The following BCAS3 variants were observed in gnomAD, a reference collection of about 807,000 sequenced individuals.
BCAS3 encodes the protein BCAS3 microtubule associated cell migration factor, also known as BCAS4/BCAS3 fusion.
BCAS3 carries 53 observed loss-of-function variants against 116.1 expected under a neutral mutation model. That is an observed-to-expected ratio of 0.46 (90% confidence interval 0.37 to 0.57). BCAS3 has a LOEUF of 0.57. Ranked by LOEUF, BCAS3 falls within the 20% of genes least tolerant of loss-of-function variation. BCAS3 has a pLI of 0.00. For missense variants in BCAS3, 917 were observed against 1,165.4 expected (o/e 0.79, Z 3.10); for synonymous variants, 391 against 408.2 (o/e 0.96, Z 0.51).
At chr17:60,770,326 A>C (rs1441171552) in intron 6 of BCAS3, among the ~76,000 whole-genome samples, 2 of 147,250 alleles carry the variant, frequency 1.4e-5, no homozygotes, top group Admixed American at 7.0e-5. Context: ...TTCATAGTCC[A>C]TCCCAGCTTC....
rs147857903 is a variant in BCAS3, at chr17:60,903,356, A to G, written c.822+653A>G. ...TGTAAAACAAATACAAAAATACTTC[A>G]TATTTGATCACAGACGCTTACATGA... On this transcript the variant is annotated intron_variant, in intron 11 of 23. Transcript: ENST00000407086. 3.3e-3 allele frequency among the ~76,000 whole-genome samples: 499 copies of G among 152,342 alleles called. 5 individuals carry two copies. The highest frequency in any genetic ancestry group is 5.8e-3 in the Non-Finnish European group (396 of 68,040).
At chr17:61,268,667 C>G (rs1339868831) in intron 22 of BCAS3, among the ~76,000 whole-genome samples, 1 of 152,034 alleles carries the variant, frequency 6.6e-6, no homozygotes, top group South Asian at 2.1e-4. Context: ...ATGCAATTCT[C>G]ATGCCTCAGC....
Position 60,866,329 on chromosome 17 carries a change from A to C in BCAS3, c.477-2247A>C, listed in dbSNP as rs112586720. Among the ~76,000 whole-genome samples the C allele has an allele frequency of 6.6e-5, 10 of 151,876 alleles. No homozygotes were observed. The East Asian group carries it at 1.2e-3, about 18-fold the overall frequency. ...TTTTTAGTAGAGACGGGGTTTCTCCATGTTGGTCAGGCTGGTCTTGAACTC... is the reference window on the plus strand; with the variant it reads ...TTTTTAGTAGAGACGGGGTTTCTCCCTGTTGGTCAGGCTGGTCTTGAACTC... On this transcript the variant is annotated intron_variant, in intron 7 of 23. Transcript: ENST00000407086.
chr17:61,016,854 G>C (rs558224423), intron 16 of BCAS3: 1 of 152,264 alleles, frequency 6.6e-6, no homozygotes, highest in East Asian at 1.9e-4. Context: ...GCTTACAGAG[G>C]TCACTTTTGT....
Position 61,313,664 on chromosome 17 carries a change from A to T in BCAS3, c.2426-54663A>T, listed in dbSNP as rs780022484. On this transcript the variant is annotated intron_variant, in intron 22 of 23. Transcript: ENST00000407086. This position sits in a 1 kb window ranked among gnomAD's most constrained non-coding sequence, Gnocchi z 4.3. ...GTCCTGCTCGCTGAAGAGGTACAGC[A>T]TCTGGAGGAGGACTTTCCGGCCAGG... 1.3e-5 allele frequency among the ~76,000 whole-genome samples: 2 copies of T among 152,210 alleles called. No individual in the cohort carries two copies. Among genetic ancestry groups the T allele is most frequent in the Non-Finnish European group, 2.9e-5 (2 of 68,036 alleles).
intron 22 of BCAS3, among the ~76,000 whole-genome samples, chr17:61,257,479 G>A (rs963991684): frequency 4.0e-5 from 6 of 149,370 alleles, no homozygotes; most frequent in South Asian, 4.3e-4. Context: ...GTCTTCAGTC[G>A]TTTCTTCAAG....
At chr17:60,869,391 G>A (rs1199905001) in intron 8 of BCAS3, among the ~76,000 whole-genome samples, 2 of 152,030 alleles carry the variant, frequency 1.3e-5, no homozygotes, top group African/African-American at 2.4e-5. Flanking sequence ...TACATGCCTC[G>A]TATAAATCTT....
chr17:61,111,259 A>C (rs1425079067), intron 22 of BCAS3, among the ~76,000 whole-genome samples: 2 of 152,092 alleles, frequency 1.3e-5, no homozygotes, highest in African/African-American at 2.4e-5. Context: ...AAGCTGAGAG[A>C]AGAAGGCTTC....
At chr17:60,728,311 T>C (rs886665079) in intron 5 of BCAS3, among the ~76,000 whole-genome samples, 7 of 152,158 alleles carry the variant, frequency 4.6e-5, no homozygotes, top group Non-Finnish European at 1.0e-4. Flanking sequence ...GTAGTTGGAA[T>C]CACTACATGG....
chr17:60,976,218 G>A (rs2062357737), intron 14 of BCAS3, among the ~76,000 whole-genome samples: 2 of 150,392 alleles, frequency 1.3e-5, no homozygotes, highest in African/African-American at 4.9e-5. Context: ...TAGAGATCGG[G>A]TTTCACCGTG....
chr17:60,928,269 C>T (rs1567889368), intron 13 of BCAS3, among the ~76,000 whole-genome samples: 1 of 152,032 alleles, frequency 6.6e-6, no homozygotes, highest in Non-Finnish European at 1.5e-5. Context: ...GGAGATAGTT[C>T]TTCAAAAGGA....
chr17:61,064,617 A>G (rs1048626893), intron 19 of BCAS3, among the ~76,000 whole-genome samples: 8 of 152,168 alleles, frequency 5.3e-5, no homozygotes, highest in African/African-American at 1.9e-4. Context: ...GAAAAGATGC[A>G]CCCAGAGTTG....
intron 7 of BCAS3, chr17:60,810,469 G>A: frequency 1.5e-6 from 1 of 667,774 alleles, no homozygotes; most frequent in Non-Finnish European, 2.8e-6. Context: ...AAGGAGCGTG[G>A]AGACCGGAAA....
rs1323493016 is a variant in BCAS3, at chr17:61,077,389, C to T, written c.2131-944C>T. 5.3e-5 allele frequency among the ~76,000 whole-genome samples: 8 copies of T among 152,076 alleles called. No individual in the cohort carries two copies. The highest frequency in any genetic ancestry group is 2.1e-4 in the South Asian group (1 of 4,816). On this transcript the variant is annotated intron_variant, in intron 20 of 23. Coordinates refer to ENST00000407086, the MANE Select transcript of BCAS3 (RefSeq NM_017679.5). The surrounding 1 kb of genome is among the most constrained non-coding windows in gnomAD (Gnocchi z 4.3). ...AAAATTAGCCGGGCGTGGTGGCGGG[C>T]GCCTGTAGTCCCAGCTACTGGGGAG...
chr17:60,742,779 A>G (rs1019314772), intron 5 of BCAS3, among the ~76,000 whole-genome samples: 3 of 151,856 alleles, frequency 2.0e-5, no homozygotes, highest in African/African-American at 7.3e-5. Context: ...AAAAGTAAAA[A>G]CAACTCAGAG....
chr17:60,879,378 A>G (rs2055906457), intron 9 of BCAS3, among the ~76,000 whole-genome samples: 1 of 152,248 alleles, frequency 6.6e-6, no homozygotes, highest in Non-Finnish European at 1.5e-5. Context: ...AGCTGTGTCC[A>G]TCAGAGCAAG....
chr17:60,932,371 G>A, intron 13 of BCAS3, among the ~76,000 whole-genome samples: 1 of 152,088 alleles, frequency 6.6e-6, no homozygotes, highest in Non-Finnish European at 1.5e-5. Context: ...ATATAGCAGG[G>A]CAAAATTAAG....
chr17:60,924,988 G>A (rs934982428), intron 13 of BCAS3, among the ~76,000 whole-genome samples: 1 of 150,750 alleles, frequency 6.6e-6, no homozygotes. Context: ...TTTTAATATA[G>A]CATACAATTT....
chr17:61,380,698 G>A lies in BCAS3; in HGVS notation c.2594-11279G>A, dbSNP rs1044606457. 1.0e-5 allele frequency: 8 copies of A among 790,430 alleles called. No individual in the cohort carries two copies. The African/African-American group carries it at 1.0e-4, about 10-fold the overall frequency. 49.0% of individuals were successfully genotyped at this position (790,430 alleles called of 1,614,324 possible). A position where few individuals can be genotyped will look rare whatever the true frequency, so the allele number is the denominator to read the frequency against. ...AGCACTCTAGGGAGGGCAGGGGTCA[G>A]CTCAGATGGGAGGTCTCTTCTGGAA... On this transcript the variant is annotated intron_variant, in intron 23 of 23. Coordinates refer to ENST00000407086, the MANE Select transcript of BCAS3 (RefSeq NM_017679.5). The surrounding 1 kb of genome is among the most constrained non-coding windows in gnomAD (Gnocchi z 4.2).
Sources: gnomAD v4.1 joint callset for allele counts (sites outside exome capture counted in the v4.1 genomes callset) on GRCh38, gnomAD v4.1.1 for gene constraint, Gnocchi (gnomAD v3.1) non-coding constraint, MANE v1.5 for transcripts, NCBI Gene and HGNC (gene_info 2026-07-23, HGNC 2026-07-21) for gene names.